The following FADS2 variants were observed in gnomAD, a reference collection of about 807,000 sequenced individuals.
FADS2 encodes the protein fatty acid desaturase 2, also known as acyl-CoA 6-desaturase.
In FADS2, 18 loss-of-function variants were observed where a neutral mutation model predicts 61.2. That is an observed-to-expected ratio of 0.29 (90% confidence interval 0.20 to 0.44). FADS2 has a LOEUF of 0.44. FADS2 is among the 20% of genes least tolerant of loss of function. The probability of loss-of-function intolerance (pLI) is 1.00; values close to 1 mark genes in which losing one functional copy is unlikely to be tolerated. For missense variants in FADS2, 322 were observed against 572.7 expected (o/e 0.56, Z 4.47); for synonymous variants, 203 against 223.9 (o/e 0.91, Z 0.83).
chr11:61,850,757 C>T (rs1254799405), intron 5 of FADS2, among the ~76,000 whole-genome samples: 4 of 152,086 alleles, frequency 2.6e-5, no homozygotes, highest in African/African-American at 9.7e-5. Flanking sequence ...TCTTAGGAGC[C>T]ACAAAGCCAT....
In FADS2 at chr11:61,857,010, G is replaced by A; in HGVS notation, c.745-1G>A. On this transcript the variant is annotated splice_acceptor_variant, in intron 5 of 11. Transcript: ENST00000278840. LOFTEE classifies it high-confidence loss of function. ...GCTCATGATCTCTCCTCTCTCCTCA[G>A]TACGGCAAGAAGAAGCTGAAATACC... 1 of 1,613,768 alleles carries A rather than the reference G, an allele frequency of 6.2e-7. No homozygotes were observed. Among genetic ancestry groups the A allele is most frequent in the Non-Finnish European group, 8.5e-7 (1 of 1,179,722 alleles).
intron 6 of FADS2, 92 bp from the exon 7 acceptor site, chr11:61,857,362 C>G: frequency 8.4e-7 from 1 of 1,186,190 alleles, no homozygotes; most frequent in Non-Finnish European, 1.3e-6. Context: ...CAGGGCTGGC[C>G]CCTGCACTCA....
chr11:61,842,961 C>T (rs2067228659), intron 4 of FADS2, among the ~76,000 whole-genome samples: 1 of 152,210 alleles, frequency 6.6e-6, no homozygotes, highest in African/African-American at 2.4e-5. Context: ...GCTGGGACCC[C>T]CTTCTTCCTG....
rs1320326065 is a variant in FADS2 at position 61,816,443 on chromosome 11, C to T, written c.141+17C>T. 2 of 1,599,490 alleles carry T rather than the reference C, an allele frequency of 1.3e-6. No individual in the cohort carries two copies. Among genetic ancestry groups the T allele is most frequent in the Non-Finnish European group, 1.7e-6 (2 of 1,179,788 alleles). On this transcript the variant is annotated intron_variant, in intron 1 of 11. Transcript: ENST00000257261. The surrounding 1 kb of genome is among the most constrained non-coding windows in gnomAD (Gnocchi z 7.0). Reference sequence around the variant, plus strand: ...GGGCAACAGGTATGATCAGGCGCCTCCGGGCTTTCCTCCGAATTAGTCGGT... The same window carrying T: ...GGGCAACAGGTATGATCAGGCGCCTTCGGGCTTTCCTCCGAATTAGTCGGT...
In FADS2 at chr11:61,828,929, G is replaced by C. The variant is rs2067104952; in HGVS notation, c.207+332G>C. On this transcript the variant is annotated intron_variant, in intron 1 of 11. Transcript: ENST00000278840. This position sits in a 1 kb window ranked among gnomAD's most constrained non-coding sequence, Gnocchi z 6.4. ...GTCTGGAGGCAGGGACTCCCCAAGAGGGGCGCTCGGGCCAGACGGCTTTGG... is the reference window on the plus strand; with the variant it reads ...GTCTGGAGGCAGGGACTCCCCAAGACGGGCGCTCGGGCCAGACGGCTTTGG... 6.6e-6 allele frequency among the ~76,000 whole-genome samples: 1 copy of C among 152,242 alleles called. No homozygotes were observed. The highest frequency in any genetic ancestry group is 6.5e-5 in the Admixed American group (1 of 15,292).
At chr11:61,830,079 G>T (rs1332880841) in intron 1 of FADS2, among the ~76,000 whole-genome samples, 4 of 152,232 alleles carry the variant, frequency 2.6e-5, no homozygotes, top group Non-Finnish European at 4.4e-5. Flanking sequence ...CATACCTTCA[G>T]TGCTATCTCA....
upstream of FADS2, among the ~76,000 whole-genome samples, chr11:61,824,490 G>GA (rs1249415405): frequency 3.2e-4 from 3 of 9,298 alleles, no homozygotes; most frequent in African/African-American, 4.1e-4. Flanking sequence ...GAGAGAGAGA[G>GA]AAAGAAAGAA....
chr11:61,833,320 C>T (rs999334838), intron 1 of FADS2, among the ~76,000 whole-genome samples: 3 of 152,198 alleles, frequency 2.0e-5, no homozygotes, highest in Non-Finnish European at 4.4e-5. Flanking sequence ...GGTTGGCCCT[C>T]CCTTGCCTTG....
At chr11:61,855,483 C>G (rs572328142) in intron 5 of FADS2, 1 of 152,274 alleles carries the variant, frequency 6.6e-6, no homozygotes, top group Non-Finnish European at 1.5e-5. Flanking sequence ...CTCCCTGGCT[C>G]GGACCTCTCC....
rs1280186756 is a variant in FADS2 at position 61,848,065 on chromosome 11, G to C, written c.619-94G>C. 36 of 1,517,762 alleles carry C rather than the reference G, an allele frequency of 2.4e-5. No homozygotes were observed. In the South Asian group the frequency reaches 4.2e-4, roughly 18 times the overall value. 94.0% of individuals were successfully genotyped at this position (1,517,762 alleles called of 1,614,324 possible). On this transcript the variant is annotated intron_variant, in intron 4 of 11. Transcript: ENST00000278840. ...TGAAGTGCTATCCCCGAGGGTTGAA[G>C]GTTCCGGGAACTGCTCCTAAGAAGG... is the stretch of plus-strand genomic sequence containing the variant.
At chr11:61,822,784 AT>A in intron 1 of FADS2, among the ~76,000 whole-genome samples, 1 of 152,250 alleles carries the variant, frequency 6.6e-6, no homozygotes, top group East Asian at 1.9e-4. Flanking sequence ...GTCATCATAT[AT>A]CTATAAACAC....
chr11:61,841,530 C>CA (rs1329709754), intron 4 of FADS2, among the ~76,000 whole-genome samples: 1 of 149,778 alleles, frequency 6.7e-6, no homozygotes, highest in African/African-American at 2.5e-5. Flanking sequence ...GAGACCCCCC[C>CA]CCATCTCTCA....
intron 1 of FADS2, chr11:61,821,287 A>T (rs2067034489): frequency 1.6e-6 from 1 of 641,740 alleles, no homozygotes; most frequent in Admixed American, 2.6e-5. Flanking sequence ...TGGGAGGCTG[A>T]GGTGGGAGGA....
chr11:61,828,252 T>C, upstream of FADS2: 1 of 1,416,816 alleles, frequency 7.1e-7, no homozygotes, highest in Non-Finnish European at 9.2e-7. The surrounding 1 kb of genome is among the most constrained non-coding windows in gnomAD (Gnocchi z 6.4). Flanking sequence ...GGGGGCGCGG[T>C]GGGAGGAGTA....
At chr11:61,860,667 C>T (rs1003837170) in intron 7 of FADS2, among the ~76,000 whole-genome samples, 10 of 152,246 alleles carry the variant, frequency 6.6e-5, no homozygotes, top group African/African-American at 2.4e-4. Flanking sequence ...CCTGTGATCT[C>T]AGCACTTTGG....
intron 10 of FADS2, among the ~76,000 whole-genome samples, chr11:61,864,730 C>T (rs1377299464): frequency 6.6e-6 from 1 of 151,848 alleles, no homozygotes; most frequent in Non-Finnish European, 1.5e-5. Context: ...GAGAAGAGGT[C>T]TTGCCGTGTC....
chr11:61,858,533 C>CT (rs550488249), intron 7 of FADS2, among the ~76,000 whole-genome samples: 7 of 151,740 alleles, frequency 4.6e-5, no homozygotes, highest in South Asian at 4.2e-4. Flanking sequence ...AAAATTTTTC[C>CT]TTTTTTTTAA....
At chr11:61,860,829 G>A (rs1187820744) in intron 7 of FADS2, among the ~76,000 whole-genome samples, 1 of 152,112 alleles carries the variant, frequency 6.6e-6, no homozygotes, top group African/African-American at 2.4e-5. Context: ...GATGGCTTGA[G>A]CCCAGGAGTT....
At chr11:61,834,368 A>C (rs930561807) in intron 1 of FADS2, among the ~76,000 whole-genome samples, 1 of 152,230 alleles carries the variant, frequency 6.6e-6, no homozygotes, top group African/African-American at 2.4e-5. Flanking sequence ...CCTGGAGCCC[A>C]GGACTTTGCT....
Sources: allele counts gnomAD v4.1 joint callset (sites outside exome capture counted in the v4.1 genomes callset), GRCh38; gene constraint gnomAD v4.1.1; non-coding constraint Gnocchi (gnomAD v3.1); transcripts MANE v1.5; gene names NCBI Gene and HGNC (gene_info 2026-07-23, HGNC 2026-07-21).